ATP13A2: variants seen among roughly 807,000 people sequenced by gnomAD.
The protein encoded by ATP13A2 is polyamine-transporting ATPase 13A2.
Under a neutral mutation model 138.3 loss-of-function variants are expected in ATP13A2, and 83 were observed. The observed-to-expected ratio is 0.60, with a 90% confidence interval of 0.50 to 0.72. The LOEUF is 0.72. Among genes scored for constraint, ATP13A2 ranks in the 30% least tolerant of loss-of-function variants. The pLI is 0.00. For missense variants in ATP13A2, 1,402 were observed against 1,606.4 expected (o/e 0.87, Z 2.17); for synonymous variants, 663 against 699.0 (o/e 0.95, Z 0.81).
chr1:16,987,299 A>T (rs2076772113), intron 25 of ATP13A2, 30 bp from the exon 26 acceptor site: 1 of 1,606,584 alleles, frequency 6.2e-7, no homozygotes, highest in African/African-American at 1.3e-5. Flanking sequence ...ACAGAGGGGA[A>T]ACTAAGACCT....
chr1:17,000,319 G>A lies in ATP13A2; in HGVS notation c.841-7C>T, dbSNP rs1479251843. 6.9e-6 allele frequency: 11 copies of A among 1,583,078 alleles called. No homozygotes were observed. Among genetic ancestry groups the A allele is most frequent in the Non-Finnish European group, 8.6e-6 (10 of 1,164,418 alleles). On this transcript the variant is annotated splice_polypyrimidine_tract_variant and splice_region_variant and intron_variant, in intron 9 of 28. Coordinates refer to ENST00000326735, the MANE Select transcript of ATP13A2 (RefSeq NM_022089.4). ...CCCTTAGAGTCTGGCTTTGCTGTGG[G>A]CAGGGGACAAGAGGGCCGTGAGTGG...
At chr1:16,990,872 T>C (rs987974347) in intron 20 of ATP13A2, among the ~76,000 whole-genome samples, 8 of 151,820 alleles carry the variant, frequency 5.3e-5, no homozygotes, top group African/African-American at 1.9e-4. Context: ...CCCATGAATG[T>C]GTGTGCACAT....
chr1:17,002,270 G>C (rs2077387555), intron 7 of ATP13A2, 26 bp downstream of exon 7: 1 of 1,609,960 alleles, frequency 6.2e-7, no homozygotes, highest in Non-Finnish European at 8.5e-7. Context: ...AGTTCTCAGG[G>C]CACCCCGGTC....
In ATP13A2 at chr1:17,000,252, C is replaced by A. The variant is rs777952205; in HGVS notation, c.901G>T (p.Gly301Trp). ...CTGGGCCCTAGCTCCTCACCTCCCC[C>A]TGGCCGGCACACGCACACCCGCATG... ...LSMRVCVCRP[G>W]GEEEWVDSSE... Residue 301 changes from glycine (G) to tryptophan (W), a missense_variant, in exon 10 of 29, where the codon GGG becomes TGG. Coordinates refer to ENST00000326735, the MANE Select transcript of ATP13A2 (RefSeq NM_022089.4). 1 of 1,566,988 alleles carries A rather than the reference C, an allele frequency of 6.4e-7. No homozygotes were observed. The highest frequency in any genetic ancestry group is 2.4e-5 in the East Asian group (1 of 42,450).
rs769534201 is a variant in ATP13A2, at chr1:17,005,472, G to A, written c.190C>T (p.Leu64Phe). The change falls in exon 3 of 29, where the codon CTC (leucine) becomes TTC (phenylalanine). Residue 64 changes from leucine (L) to phenylalanine (F), a missense_variant. Physicochemically the swap from Leu to Phe is conservative, Grantham distance 22 (BLOSUM62 0). Transcript: ENST00000326735. The stretch of plus-strand genomic sequence containing the variant: ...CCCCACAGGGGCTTCCAACGGAAGA[G>A]CAGCAAAGGGATCCCAGCCATCATC... The part of the protein sequence containing the change: ...VWMMAGIPLL[L>F]FRWKPLWGVR... 1.2e-6 allele frequency: 2 copies of A among 1,614,248 alleles called. No individual in the cohort carries two copies. The highest frequency in any genetic ancestry group is 1.1e-5 in the South Asian group (1 of 91,090).
chr1:17,011,694 G>A lies in ATP13A2; in HGVS notation c.10+35C>T, dbSNP rs768915424. 1.3e-6 allele frequency: 2 copies of A among 1,483,534 alleles called. No homozygotes were observed. The highest frequency in any genetic ancestry group is 1.5e-5 in the African/African-American group (1 of 68,594). 91.9% of individuals were successfully genotyped at this position (1,483,534 alleles called of 1,614,324 possible). On this transcript the variant is annotated intron_variant, in intron 1 of 28. Coordinates refer to ENST00000326735, the MANE Select transcript of ATP13A2 (RefSeq NM_022089.4). This position sits in a 1 kb window ranked among gnomAD's most constrained non-coding sequence, Gnocchi z 7.3. ...CGACAACTGGCGGGCCGGGGACCGC[G>A]CCGGGCTCGGGGCCGACCCGGACTC...
At position 16,989,717 on chromosome 1, in the gene ATP13A2, C is replaced by T; in HGVS notation, c.2583G>A (p.Glu861=). Residue 861 remains glutamate (E), a synonymous_variant, in exon 23 of 29, where the codon GAG becomes GAA. Transcript: ENST00000326735. The part of the protein sequence containing the change: ...FARMAPEQKT[E]LVCELQKLQY... ...GAAGCTTCTGTAGCTCGCACACCAG[C>T]TCTGTCTTCTGCTCAGGGGCCATGC... 6.2e-7 allele frequency: 1 copy of T among 1,614,120 alleles called. No homozygotes were observed. Among genetic ancestry groups the T allele is most frequent in the Non-Finnish European group, 8.5e-7 (1 of 1,180,038 alleles).
In ATP13A2 at chr1:16,986,617, G is replaced by A; in HGVS notation, c.3251C>T (p.Ala1084Val). The A allele has an allele frequency of 6.2e-7, 1 of 1,609,508 alleles. No homozygotes were observed. The highest frequency in any genetic ancestry group is 8.5e-7 in the Non-Finnish European group (1 of 1,179,302). The change falls in exon 28 of 29, where the codon GCC (alanine) becomes GTC (valine). Residue 1084 changes from alanine to valine, a missense_variant. Ala to Val is a moderately conservative substitution (Grantham distance 64, BLOSUM62 0). Transcript: ENST00000326735. The surrounding 1 kb of genome is among the most constrained non-coding windows in gnomAD (Gnocchi z 6.9). ...CAGGACGGAGCTCAGGAGCGCCAGG[G>A]CCACCAGGAAGGGCACTGGGAGCAG... ...PLYTNVPFLV[A>V]LALLSSVLVG... is the part of the protein sequence containing the mutation.
chr1:16,996,573 C>G, intron 12 of ATP13A2, 77 bp from the exon 13 acceptor site: 1 of 1,175,814 alleles, frequency 8.5e-7, no homozygotes, highest in East Asian at 2.4e-5. Flanking sequence ...CCCTCCCGAC[C>G]CGTGCCTCTG....
Position 16,986,020 on chromosome 1 carries a change from T to C in ATP13A2, c.*201A>G, listed in dbSNP as rs760860724. On this transcript the variant is annotated 3_prime_UTR_variant, in exon 29 of 29. Transcript: ENST00000326735. This position sits in a 1 kb window ranked among gnomAD's most constrained non-coding sequence, Gnocchi z 6.9. ...AGCAGCACTGAGGGGAGCTGGGGGC[T>C]GCCACCCCTACGCGGGATGGTCCAA... The C allele has an allele frequency of 4.2e-5, 62 of 1,459,212 alleles. No homozygotes were observed. The highest frequency in any genetic ancestry group is 5.3e-5 in the Non-Finnish European group (59 of 1,104,210). 90.4% of individuals were successfully genotyped at this position (1,459,212 alleles called of 1,614,324 possible).
At position 16,986,970 on chromosome 1, in the gene ATP13A2, G is replaced by A; in HGVS notation, c.3084-14C>T. On this transcript the variant is annotated splice_polypyrimidine_tract_variant and intron_variant, in intron 26 of 28. Coordinates refer to ENST00000326735, the MANE Select transcript of ATP13A2 (RefSeq NM_022089.4). The surrounding 1 kb of genome is among the most constrained non-coding windows in gnomAD (Gnocchi z 6.9). Reference sequence around the variant, plus strand: ...AGAGGCACGAACCTGGGGGTACAGGGATGGGGGTCAGGGAACGAACGTGGG... The same window carrying A: ...AGAGGCACGAACCTGGGGGTACAGGAATGGGGGTCAGGGAACGAACGTGGG... The A allele has an allele frequency of 1.2e-6, 2 of 1,611,864 alleles. No individual in the cohort carries two copies. The highest frequency in any genetic ancestry group is 1.7e-4 in the Middle Eastern group (1 of 6,058).
intron 1 of ATP13A2, among the ~76,000 whole-genome samples, chr1:17,009,568 T>A (rs2077703869): frequency 6.6e-6 from 1 of 151,816 alleles, no homozygotes. Flanking sequence ...AGGCTAATTT[T>A]TTTTTAGTAG....
intron 15 of ATP13A2, among the ~76,000 whole-genome samples, chr1:16,994,663 GTTTA>G (rs1207458386): frequency 6.6e-6 from 1 of 151,238 alleles, no homozygotes; most frequent in Non-Finnish European, 1.5e-5. Flanking sequence ...CCCCTCCCCG[GTTTA>G]TTTATTTTTT....
intron 8 of ATP13A2, 108 bp from the exon 9 acceptor site, chr1:17,000,642 G>C: frequency 7.0e-7 from 1 of 1,427,564 alleles, no homozygotes; most frequent in Non-Finnish European, 9.4e-7. Flanking sequence ...GGCTGCCAAA[G>C]GACTGGAGCC....
rs2077322399 is a variant in ATP13A2, at chr1:17,000,671, A to G, written c.706-137T>C. On this transcript the variant is annotated intron_variant, in intron 8 of 28. Transcript: ENST00000326735. ...TGGAGCCAGGCCTTTCTCCTGGTCA[A>G]TCCCATCCCCACCCAACCAGACATC... 2.6e-6 allele frequency: 3 copies of G among 1,166,208 alleles called. No homozygotes were observed. In the South Asian group the frequency reaches 4.8e-5, roughly 18 times the overall value. 72.2% of individuals were successfully genotyped at this position (1,166,208 alleles called of 1,614,324 possible). A position where few individuals can be genotyped will look rare whatever the true frequency, so the allele number is the denominator to read the frequency against.
chr1:16,990,171 C>T lies in ATP13A2; in HGVS notation c.2368G>A (p.Glu790Lys), dbSNP rs754208001. ...GTGGGGGACTCCATCGGCAGGAACT[C>T]GAGAGAGGCAGGCTGACCCCGCTCA... ...HPERGQPASL[E>K]FLPMESPTAV... The change falls in exon 21 of 29, where the codon GAG (glutamate) becomes AAG (lysine). Residue 790 changes from glutamate to lysine, a missense_variant. Coordinates refer to ENST00000326735, the MANE Select transcript of ATP13A2 (RefSeq NM_022089.4). 85 of 1,613,896 alleles carry T rather than the reference C, an allele frequency of 5.3e-5. No homozygotes were observed. The highest frequency in any genetic ancestry group is 1.2e-4 in the South Asian group (11 of 91,092).
At chr1:17,007,696 C>G (rs919592729) in intron 1 of ATP13A2, among the ~76,000 whole-genome samples, 4 of 151,904 alleles carry the variant, frequency 2.6e-5, no homozygotes, top group Admixed American at 6.6e-5. Context: ...GGACTACAGG[C>G]GCCCGCCACC....
chr1:17,000,292 G>C lies in ATP13A2; in HGVS notation c.861C>G (p.Asp287Glu). 1 of 1,578,396 alleles carries C rather than the reference G, an allele frequency of 6.3e-7. No individual in the cohort carries two copies. The highest frequency in any genetic ancestry group is 1.2e-5 in the South Asian group (1 of 86,782). The change falls in exon 10 of 29, where the codon GAC becomes GAG. Residue 287 changes from aspartate to glutamate, a missense_variant. Coordinates refer to ENST00000326735, the MANE Select transcript of ATP13A2 (RefSeq NM_022089.4). ...KTRKQSQTLR[D>E]MVKLSMRVCV... Reference sequence around the variant, plus strand: ...ACACCCGCATGGACAACTTGACCATGTCCCTTAGAGTCTGGCTTTGCTGTG... The same window carrying C: ...ACACCCGCATGGACAACTTGACCATCTCCCTTAGAGTCTGGCTTTGCTGTG...
intron 12 of ATP13A2, 33 bp downstream of exon 12, chr1:16,996,987 G>C: frequency 6.2e-7 from 1 of 1,604,864 alleles, no homozygotes; most frequent in South Asian, 1.1e-5. Flanking sequence ...CTGAGCCCGG[G>C]ATCTCTCTCA....
Sources: allele counts gnomAD v4.1 joint callset (sites outside exome capture counted in the v4.1 genomes callset), GRCh38; gene constraint gnomAD v4.1.1; non-coding constraint Gnocchi (gnomAD v3.1); transcripts MANE v1.5; gene names NCBI Gene and HGNC (gene_info 2026-07-23, HGNC 2026-07-21).